The following MTUS2 variants were observed in gnomAD, a reference collection of about 807,000 sequenced individuals.
MTUS2 encodes microtubule associated scaffold protein 2.
Under a neutral mutation model 114.1 loss-of-function variants are expected in MTUS2, and 40 were observed. The observed-to-expected ratio is 0.35, with a 90% CI of 0.27 to 0.46. The LOEUF is 0.46. Among genes scored for constraint, MTUS2 ranks in the 20% least tolerant of loss-of-function variants. MTUS2 has a pLI of 1.00. For synonymous variants in MTUS2, 688 were observed against 672.0 expected, an observed-to-expected ratio of 1.02 and a Z score of -0.37; for missense variants, 1,679 against 1,705.4, an observed-to-expected ratio of 0.98 and a Z score of 0.27.
intron 5 of MTUS2, among the ~76,000 whole-genome samples, chr13:29,236,302 T>C (rs1389937924): frequency 1.3e-5 from 2 of 152,338 alleles, no homozygotes; most frequent in East Asian, 1.9e-4. Context: ...TATTGTCTTG[T>C]ATTCGATATG....
At chr13:29,201,890 C>T (rs1273702652) in intron 5 of MTUS2, among the ~76,000 whole-genome samples, 3 of 152,202 alleles carry the variant, frequency 2.0e-5, no homozygotes, top group Non-Finnish European at 4.4e-5. Flanking sequence ...GTCTGATGGG[C>T]TTCCCTTTGT....
chr13:28,834,269 TCAAAACTTAACA>T (rs1022175474), intron 1 of MTUS2, among the ~76,000 whole-genome samples: 9 of 152,102 alleles, frequency 5.9e-5, no homozygotes, highest in African/African-American at 2.2e-4. Flanking sequence ...AGTTCTAATT[TCAAAACTTAACA>T]CAAAACTACC....
chr13:29,353,972 T>C (rs1327403396), intron 7 of MTUS2, among the ~76,000 whole-genome samples: 1 of 152,218 alleles, frequency 6.6e-6, no homozygotes, highest in East Asian at 1.9e-4. Context: ...GAATTCTCTC[T>C]GTGGAGCTCA....
chr13:29,026,794 T>G lies in MTUS2; in HGVS notation c.2096T>G (p.Phe699Cys). 1 of 1,613,422 alleles carries G rather than the reference T, an allele frequency of 6.2e-7. No individual in the cohort carries two copies. The change falls in exon 3 of 16, where the codon TTC (phenylalanine) becomes TGC (cysteine). Residue 699 changes from phenylalanine to cysteine, a missense_variant. Physicochemically the swap from Phe to Cys is radical, Grantham distance 205. Coordinates refer to ENST00000612955, the MANE Select transcript of MTUS2 (RefSeq NM_001033602.4). ...LKPSANLYEK[F>C]KPDLQKPRVF... ...CCATCTGCCAACCTCTATGAGAAAT[T>G]CAAGCCAGACCTGCAGAAGCCAAGG...
chr13:28,926,574 A>G (rs915647475), intron 2 of MTUS2, among the ~76,000 whole-genome samples: 1 of 152,210 alleles, frequency 6.6e-6, no homozygotes, highest in African/African-American at 2.4e-5. Flanking sequence ...AAACTCAGTC[A>G]TGGGTACTGC....
chr13:29,498,399 T>A lies in MTUS2; in HGVS notation c.3679-19T>A, dbSNP rs375130185. 6.2e-7 allele frequency: 1 copy of A among 1,613,822 alleles called. No individual in the cohort carries two copies. The highest frequency in any genetic ancestry group is 1.7e-5 in the Admixed American group (1 of 59,996). On this transcript the variant is annotated intron_variant, in intron 13 of 15. Coordinates refer to ENST00000612955, the MANE Select transcript of MTUS2 (RefSeq NM_001033602.4). ...GCCGGGAATCCTGGTCAACAGCTCATGGCTCTCTGCCTCTGTAGATTGCAT... is the reference window on the plus strand; with the variant it reads ...GCCGGGAATCCTGGTCAACAGCTCAAGGCTCTCTGCCTCTGTAGATTGCAT...
At chr13:29,052,921 G>C (rs1234200381) in intron 4 of MTUS2, among the ~76,000 whole-genome samples, 5 of 152,120 alleles carry the variant, frequency 3.3e-5, no homozygotes, top group Admixed American at 6.5e-5. Flanking sequence ...GTTCTCATGA[G>C]ATCTGATGGT....
chr13:29,108,246 A>G (rs1347388543), intron 5 of MTUS2, among the ~76,000 whole-genome samples: 1 of 152,198 alleles, frequency 6.6e-6, no homozygotes, highest in Non-Finnish European at 1.5e-5. Context: ...GTGAGGTCAG[A>G]CTTCAGAGAA....
intron 2 of MTUS2, among the ~76,000 whole-genome samples, chr13:28,846,068 A>T (rs1354696920): frequency 6.7e-6 from 1 of 149,412 alleles, no homozygotes; most frequent in African/African-American, 2.4e-5. Flanking sequence ...ATATATATAT[A>T]TATATATTCC....
intron 5 of MTUS2, among the ~76,000 whole-genome samples, chr13:29,206,791 T>C (rs1039601016): frequency 2.9e-4 from 44 of 152,228 alleles, no homozygotes; most frequent in African/African-American, 1.0e-3. Flanking sequence ...ATCAGTACCA[T>C]GCTGTTTTGG....
intron 9 of MTUS2, among the ~76,000 whole-genome samples, chr13:29,471,660 G>T (rs890340209): frequency 6.6e-6 from 1 of 151,926 alleles, no homozygotes; most frequent in African/African-American, 2.4e-5. Context: ...TACCACACGG[G>T]TGCATCATGG....
intron 2 of MTUS2, among the ~76,000 whole-genome samples, chr13:28,863,640 C>T (rs937362408): frequency 2.0e-5 from 3 of 152,150 alleles, no homozygotes; most frequent in Admixed American, 6.5e-5. Flanking sequence ...AGTGCTTCCG[C>T]ATTCTTCTGA....
intron 9 of MTUS2, among the ~76,000 whole-genome samples, chr13:29,465,553 C>A (rs555599057): frequency 6.6e-6 from 1 of 152,294 alleles, no homozygotes; most frequent in South Asian, 2.1e-4. Context: ...AGTATTTCCA[C>A]CCCATTGAGG....
At chr13:29,417,622 T>G (rs1043858739) in intron 8 of MTUS2, among the ~76,000 whole-genome samples, 1 of 152,168 alleles carries the variant, frequency 6.6e-6, no homozygotes, top group African/African-American at 2.4e-5. Context: ...TGAGATAACT[T>G]TGTCATTTTC....
intron 5 of MTUS2, among the ~76,000 whole-genome samples, chr13:29,164,584 C>T (rs1225437269): frequency 6.6e-6 from 1 of 152,168 alleles, no homozygotes; most frequent in Admixed American, 6.5e-5. Context: ...GTATTCTGAT[C>T]CTTCATCTAG....
intron 2 of MTUS2, among the ~76,000 whole-genome samples, chr13:28,887,143 A>G (rs1307714458): frequency 6.6e-6 from 1 of 152,174 alleles, no homozygotes; most frequent in Non-Finnish European, 1.5e-5. Context: ...CATTTTGTGG[A>G]TAATTGGCCA....
intron 5 of MTUS2, among the ~76,000 whole-genome samples, chr13:29,197,049 G>T (rs1056589307): frequency 1.3e-5 from 2 of 152,040 alleles, no homozygotes; most frequent in African/African-American, 2.4e-5. Context: ...TCTACAGTGG[G>T]TGTACAATTT....
At chr13:29,099,130 G>C (rs1262731461) in intron 4 of MTUS2, among the ~76,000 whole-genome samples, 1 of 152,200 alleles carries the variant, frequency 6.6e-6, no homozygotes, top group East Asian at 1.9e-4. Flanking sequence ...TCAAAATAAT[G>C]TGAGAACAAC....
At chr13:29,329,934 A>G (rs771386090) in intron 7 of MTUS2, among the ~76,000 whole-genome samples, 7 of 152,106 alleles carry the variant, frequency 4.6e-5, no homozygotes, top group Non-Finnish European at 7.4e-5. Flanking sequence ...TTATAATAGA[A>G]TGATTGATAA....
Sources: gnomAD v4.1 joint callset for allele counts (sites outside exome capture counted in the v4.1 genomes callset) on GRCh38, gnomAD v4.1.1 for gene constraint, MANE v1.5 for transcripts, NCBI Gene and HGNC (gene_info 2026-07-23, HGNC 2026-07-21) for gene names.